Variants in NBAS observed in about 807,000 individuals in gnomAD.
NBAS encodes the protein NAG/BC035112 fusion.
In NBAS, 219 loss-of-function variants were observed where a neutral mutation model predicts 302.5. The observed-to-expected ratio is 0.72, with a 90% CI of 0.65 to 0.81. The LOEUF is 0.81. Ranked by LOEUF, NBAS falls within the 30% of genes least tolerant of loss-of-function variation. The pLI, the probability that NBAS is intolerant of heterozygous loss-of-function variation, is 0.00. For missense variants in NBAS, 2,932 were observed against 2,841.6 expected, an observed-to-expected ratio of 1.03 and a Z score of -0.72; for synonymous variants, 1,118 against 1,021.6, an observed-to-expected ratio of 1.09 and a Z score of -1.80.
the NBAS span, among the ~76,000 whole-genome samples, chr2:15,124,414 G>A: frequency 1.3e-5 from 2 of 152,116 alleles, no homozygotes; most frequent in Admixed American, 6.5e-5. Context: ...TACAAGTTTG[G>A]AAAATTTACA....
chr2:15,040,946 A>G, the NBAS span, among the ~76,000 whole-genome samples: 3 of 152,276 alleles, frequency 2.0e-5, no homozygotes, highest in African/African-American at 7.2e-5. Flanking sequence ...GTTTGCATTG[A>G]GCTACTGCCT....
At chr2:15,115,858 C>T in the NBAS span, among the ~76,000 whole-genome samples, 6 of 152,110 alleles carry the variant, frequency 3.9e-5, no homozygotes, top group African/African-American at 1.2e-4. Flanking sequence ...CAGCAGATGA[C>T]CTTAACAATA....
chr2:15,294,621 C>T (rs1670463416), intron 40 of NBAS, among the ~76,000 whole-genome samples: 1 of 152,178 alleles, frequency 6.6e-6, no homozygotes, highest in Non-Finnish European at 1.5e-5. Flanking sequence ...GCCAGCTGGC[C>T]CATCTTCACC....
chr2:15,390,783 T>C (rs944781369), intron 28 of NBAS, among the ~76,000 whole-genome samples: 2 of 152,092 alleles, frequency 1.3e-5, no homozygotes, highest in Admixed American at 6.6e-5. Context: ...TATGATAGCA[T>C]ACAAGAAGGA....
At chr2:15,054,539 A>C in the NBAS span, among the ~76,000 whole-genome samples, 1 of 152,240 alleles carries the variant, frequency 6.6e-6, no homozygotes, top group Non-Finnish European at 1.5e-5. Context: ...TTGTGTATGC[A>C]GAATAAGTGC....
intron 47 of NBAS, among the ~76,000 whole-genome samples, chr2:15,220,649 C>G (rs1355005726): frequency 6.6e-6 from 1 of 152,166 alleles, no homozygotes; most frequent in Non-Finnish European, 1.5e-5. Flanking sequence ...TTGATTATGT[C>G]AATGGATTAT....
intron 9 of NBAS, among the ~76,000 whole-genome samples, chr2:15,521,205 G>C (rs772322006): frequency 2.0e-5 from 3 of 152,124 alleles, no homozygotes; most frequent in Non-Finnish European, 2.9e-5. Flanking sequence ...AATCTTAACA[G>C]TACCTTCTTC....
intron 48 of NBAS, among the ~76,000 whole-genome samples, chr2:15,201,074 TAC>T (rs1475183635): frequency 2.0e-5 from 3 of 152,222 alleles, no homozygotes; most frequent in African/African-American, 7.2e-5. Flanking sequence ...AAATGTTTTT[TAC>T]TACTATTTTA....
intron 31 of NBAS, among the ~76,000 whole-genome samples, chr2:15,372,968 GCACA>G (rs141915482): frequency 6.6e-6 from 1 of 151,760 alleles, no homozygotes; most frequent in Non-Finnish European, 1.5e-5. Context: ...AGACACACAG[GCACA>G]CACACACAGA....
chr2:15,455,632 G>A (rs766894419), intron 21 of NBAS, among the ~76,000 whole-genome samples: 109 of 151,730 alleles, frequency 7.2e-4, no homozygotes, highest in Non-Finnish European at 1.3e-3. Flanking sequence ...TGTCCTCAGC[G>A]GTTGATATAC....
intron 44 of NBAS, among the ~76,000 whole-genome samples, chr2:15,248,497 C>T (rs1413484117): frequency 6.6e-6 from 1 of 151,994 alleles, no homozygotes; most frequent in Non-Finnish European, 1.5e-5. Context: ...AACAAAAAAC[C>T]CTTCAAAAAA....
intron 42 of NBAS, among the ~76,000 whole-genome samples, chr2:15,284,700 T>C (rs1669964881): frequency 1.3e-5 from 2 of 152,372 alleles, no homozygotes; most frequent in Middle Eastern, 3.4e-3. Flanking sequence ...GGGCAATTTC[T>C]ATTGTATTAA....
chr2:15,527,997 T>C (rs1572971805), intron 9 of NBAS, among the ~76,000 whole-genome samples: 3 of 152,054 alleles, frequency 2.0e-5, no homozygotes, highest in South Asian at 4.2e-4. Context: ...CTCTTACCAC[T>C]CCCAATTAAT....
intron 44 of NBAS, among the ~76,000 whole-genome samples, chr2:15,251,487 T>C (rs992729450): frequency 1.3e-5 from 2 of 152,102 alleles, no homozygotes; most frequent in Non-Finnish European, 2.9e-5. Flanking sequence ...ACAAAGTCCA[T>C]AGAGTGGAAG....
chr2:14,870,638 GAA>G, the NBAS span, among the ~76,000 whole-genome samples: 1 of 142,976 alleles, frequency 7.0e-6, no homozygotes. Context: ...TCCTAGGAGT[GAA>G]AAAAAAAAGG....
At chr2:15,348,124 A>G (rs1428611340) in intron 35 of NBAS, among the ~76,000 whole-genome samples, 1 of 152,210 alleles carries the variant, frequency 6.6e-6, no homozygotes, top group Non-Finnish European at 1.5e-5. Context: ...GCTAAGCACT[A>G]TATTTTAACC....
At chr2:15,551,472 A>C in intron 6 of NBAS, 21 bp downstream of exon 6, 1 of 1,565,666 alleles carries the variant, frequency 6.4e-7, no homozygotes, top group Non-Finnish European at 8.8e-7. Context: ...TTCATTCTTT[A>C]AATATTTTGG....
intron 26 of NBAS, among the ~76,000 whole-genome samples, chr2:15,400,201 G>C (rs1164662237): frequency 5.3e-5 from 8 of 151,306 alleles, no homozygotes; most frequent in Admixed American, 5.3e-4. Context: ...CAAGAAGGAT[G>C]TTTCAAAAGG....
chr2:15,459,017 A>G (rs1679383246), intron 21 of NBAS, among the ~76,000 whole-genome samples: 1 of 152,220 alleles, frequency 6.6e-6, no homozygotes, highest in Non-Finnish European at 1.5e-5. Context: ...ATTGATCACA[A>G]TTTAAACTGG....
Sources: gnomAD v4.1 joint callset for allele counts (sites outside exome capture counted in the v4.1 genomes callset) on GRCh38, gnomAD v4.1.1 for gene constraint, MANE v1.5 for transcripts, NCBI Gene and HGNC (gene_info 2026-07-23, HGNC 2026-07-21) for gene names.